Variants in NBAS observed in about 807,000 individuals in gnomAD.
NBAS encodes NAG/BC035112 fusion.
In NBAS, 219 loss-of-function variants were observed where a neutral mutation model predicts 302.5. That is an observed-to-expected ratio of 0.72 (90% confidence interval 0.65 to 0.81). The LOEUF (loss-of-function observed/expected upper bound fraction) is 0.81. NBAS is among the 30% of genes least tolerant of loss of function. NBAS has a pLI of 0.00. For missense variants in NBAS, 2,932 were observed against 2,841.6 expected (o/e 1.03, Z -0.72); for synonymous variants, 1,118 against 1,021.6 (o/e 1.09, Z -1.80).
the NBAS span, among the ~76,000 whole-genome samples, chr2:15,055,776 G>A: frequency 6.6e-6 from 1 of 152,250 alleles, no homozygotes; most frequent in South Asian, 2.1e-4. Context: ...CTTTTAGAGA[G>A]TCACAAATAT....
intron 33 of NBAS, 74 bp from the exon 34 acceptor site, chr2:15,353,784 G>C: frequency 1.9e-6 from 3 of 1,591,280 alleles, no homozygotes; most frequent in Non-Finnish European, 2.6e-6. Context: ...AAATGCAATG[G>C]CTTCCTGCTC....
chr2:14,838,789 C>T, the NBAS span, among the ~76,000 whole-genome samples: 2 of 151,700 alleles, frequency 1.3e-5, no homozygotes, highest in Admixed American at 1.3e-4. Context: ...ATCTACCACA[C>T]ACATAACTTT....
At chr2:14,960,131 A>T in the NBAS span, among the ~76,000 whole-genome samples, 3 of 152,228 alleles carry the variant, frequency 2.0e-5, no homozygotes, top group Admixed American at 1.3e-4. Flanking sequence ...TGTAAGTGTA[A>T]GAGATGAGGC....
chr2:15,067,359 A>AG, the NBAS span, among the ~76,000 whole-genome samples: 5 of 32,824 alleles, frequency 1.5e-4, no homozygotes. Flanking sequence ...AAAGAAAAGG[A>AG]AAAAAGAAAA....
chr2:15,223,530 T>C (rs1012113500), intron 47 of NBAS, among the ~76,000 whole-genome samples: 2 of 152,174 alleles, frequency 1.3e-5, no homozygotes, highest in African/African-American at 4.8e-5. Flanking sequence ...ATTTCAAAAC[T>C]TATTTACTTC....
chr2:14,815,456 A>T, the NBAS span, among the ~76,000 whole-genome samples: 77,329 of 152,056 alleles, frequency 0.51, 21,751 homozygotes, highest in African/African-American at 0.77. Context: ...TCAGCCAAAG[A>T]GTGCCCATTG....
chr2:15,241,788 GA>G lies in NBAS; in HGVS notation c.5725-3103del, dbSNP rs200083454. Among the ~76,000 whole-genome samples, 765 of 152,194 alleles carry G rather than the reference GA, an allele frequency of 5.0e-3. 4 individuals are homozygous for G. The highest frequency in any genetic ancestry group is 0.016 in the African/African-American group (664 of 41,512). On this transcript the variant is annotated intron_variant, in intron 44 of 51. Coordinates refer to ENST00000281513, the MANE Select transcript of NBAS (RefSeq NM_015909.4). ...AAATTTGTCACATGTTTCCCTTTTA[GA>G]AAAACCTTTTTTTTAAATAAGCTCC...
intron 44 of NBAS, among the ~76,000 whole-genome samples, chr2:15,252,563 A>G (rs929960813): frequency 6.6e-6 from 1 of 152,124 alleles, no homozygotes; most frequent in African/African-American, 2.4e-5. Flanking sequence ...GACTTTGAAC[A>G]TAAGGCTGTT....
chr2:15,323,909 GAA>G (rs35027092), intron 38 of NBAS, among the ~76,000 whole-genome samples: 34,453 of 141,338 alleles, frequency 0.24, 4,502 homozygotes, highest in East Asian at 0.59. Flanking sequence ...CACAGTTTCT[GAA>G]AAAAAAAAAA....
chr2:15,503,465 T>C (rs1661682164), intron 11 of NBAS, among the ~76,000 whole-genome samples: 2 of 152,184 alleles, frequency 1.3e-5, no homozygotes, highest in Admixed American at 1.3e-4. Context: ...TATTTGATTT[T>C]CCTCCAAGAC....
chr2:15,427,444 T>C (rs1677534134), intron 22 of NBAS, among the ~76,000 whole-genome samples: 2 of 152,202 alleles, frequency 1.3e-5, no homozygotes, highest in African/African-American at 2.4e-5. Context: ...TATCACTATA[T>C]GTGAAAGACT....
At chr2:14,911,173 A>G in the NBAS span, among the ~76,000 whole-genome samples, 2 of 152,220 alleles carry the variant, frequency 1.3e-5, no homozygotes, top group African/African-American at 2.4e-5. Flanking sequence ...TTTTTGAACC[A>G]TCTACCAGCT....
In NBAS at chr2:15,473,307, T is replaced by C. The variant is rs1445811651; in HGVS notation, c.1640A>G (p.His547Arg). The C allele has an allele frequency of 6.2e-7, 1 of 1,613,982 alleles. No individual in the cohort carries two copies. Among genetic ancestry groups the C allele is most frequent in the Non-Finnish European group, 8.5e-7 (1 of 1,179,960 alleles). The change falls in exon 16 of 52, where the codon CAT (histidine) becomes CGT (arginine). Residue 547 changes from histidine (H) to arginine (R), a missense_variant. His to Arg is a conservative substitution (Grantham distance 29, BLOSUM62 0). Coordinates refer to ENST00000281513, the MANE Select transcript of NBAS (RefSeq NM_015909.4). ...EEYEEALSLA[H>R]TYGLDTDLVY... ...AAGGTCAGTATCCAGGCCGTAGGTA[T>C]GAGCCAAGGACAAGGCTTCCTCATA... is the stretch of plus-strand genomic sequence containing the variant.
At chr2:14,959,530 C>T in the NBAS span, among the ~76,000 whole-genome samples, 2 of 152,214 alleles carry the variant, frequency 1.3e-5, no homozygotes, top group African/African-American at 2.4e-5. Context: ...ATCTAGAATA[C>T]ATTTTATGCT....
chr2:14,974,263 T>A, the NBAS span, among the ~76,000 whole-genome samples: 2 of 152,104 alleles, frequency 1.3e-5, no homozygotes, highest in Non-Finnish European at 2.9e-5. Flanking sequence ...TAGAAGGAGC[T>A]CAAAAATAAA....
chr2:14,831,203 T>A, the NBAS span, among the ~76,000 whole-genome samples: 1 of 152,172 alleles, frequency 6.6e-6, no homozygotes, highest in Non-Finnish European at 1.5e-5. Context: ...TAAAAATAAT[T>A]GCATTTCAAA....
intron 48 of NBAS, among the ~76,000 whole-genome samples, chr2:15,208,707 CAATGAAGA>C (rs1046568310): frequency 1.3e-5 from 2 of 151,674 alleles, no homozygotes; most frequent in African/African-American, 2.4e-5. Flanking sequence ...AGCAGTGGCC[CAATGAAGA>C]AATGAAGAAG....
chr2:14,801,829 A>C, the NBAS span, among the ~76,000 whole-genome samples: 2 of 152,072 alleles, frequency 1.3e-5, no homozygotes, highest in African/African-American at 4.8e-5. Flanking sequence ...TCTTTTGAGA[A>C]GTGTCTGTTC....
At chr2:14,934,020 T>C in the NBAS span, among the ~76,000 whole-genome samples, 1 of 152,196 alleles carries the variant, frequency 6.6e-6, no homozygotes, top group Non-Finnish European at 1.5e-5. Context: ...TGGAGAGTAG[T>C]GTAATGTGCT....
Sources: gnomAD v4.1 joint callset for allele counts (sites outside exome capture counted in the v4.1 genomes callset) on GRCh38, gnomAD v4.1.1 for gene constraint, MANE v1.5 for transcripts, NCBI Gene and HGNC (gene_info 2026-07-23, HGNC 2026-07-21) for gene names.